NEK1: variants seen among roughly 807,000 people sequenced by gnomAD.
The protein encoded by NEK1 is serine/threonine-protein kinase Nek1.
In NEK1, 137 loss-of-function variants were observed where a neutral mutation model predicts 182.1. The ratio of observed to expected loss-of-function variants is 0.75; its 90% CI spans 0.65 to 0.87. NEK1 has a LOEUF of 0.87. NEK1 is among the 40% of genes least tolerant of loss of function. NEK1 has a pLI of 0.00. For synonymous variants in NEK1, 513 were observed against 492.2 expected (o/e 1.04, Z -0.56); for missense variants, 1,391 against 1,494.4 (o/e 0.93, Z 1.14).
chr4:169,494,940 G>A (rs914692727), intron 23 of NEK1, among the ~76,000 whole-genome samples: 3 of 152,136 alleles, frequency 2.0e-5, no homozygotes, highest in African/African-American at 7.2e-5. Flanking sequence ...CTTTGTGATG[G>A]CGTTGTTCTT....
At chr4:169,580,088 C>A (rs1009963763) in intron 11 of NEK1, among the ~76,000 whole-genome samples, 1 of 152,112 alleles carries the variant, frequency 6.6e-6, no homozygotes, top group African/African-American at 2.4e-5. Context: ...CACAATCTTA[C>A]AATGATTCTA....
intron 19 of NEK1, among the ~76,000 whole-genome samples, chr4:169,510,564 C>T (rs927071736): frequency 2.6e-5 from 4 of 152,104 alleles, no homozygotes; most frequent in South Asian, 2.1e-4. Context: ...CCAACTCATC[C>T]TACCTCTAGT....
chr4:169,568,082 T>C lies in NEK1; in HGVS notation c.1021-5886A>G, dbSNP rs1029639120. ...TAGGGACTTTCTATGATATCATTTA[T>C]CCAGATTCACCAACAGTTCTGATCT... is the stretch of plus-strand genomic sequence containing the variant. On this transcript the variant is annotated intron_variant, in intron 12 of 35. Transcript: ENST00000507142. Among the ~76,000 whole-genome samples, 35 of 152,212 alleles carry C rather than the reference T, an allele frequency of 2.3e-4. 1 individual carries two copies. The highest frequency in any genetic ancestry group is 7.7e-4 in the African/African-American group (32 of 41,462).
rs575022493 is a variant in NEK1, at chr4:169,481,295, G to C, written c.2008-1761C>G. Among the ~76,000 whole-genome samples, 7 of 152,214 alleles carry C rather than the reference G, an allele frequency of 4.6e-5. No individual in the cohort carries two copies. In the South Asian group the frequency reaches 1.4e-3, roughly 32 times the overall value. On this transcript the variant is annotated intron_variant, in intron 23 of 35. Transcript: ENST00000507142. ...AACATTAACATGACATTAACTCCAT[G>C]AATCAAAAAAGTTCTGAATGGCATC... is the stretch of plus-strand genomic sequence containing the variant.
intron 31 of NEK1, among the ~76,000 whole-genome samples, chr4:169,409,970 T>C (rs1227333588): frequency 3.3e-5 from 5 of 152,210 alleles, no homozygotes; most frequent in African/African-American, 7.2e-5. Context: ...TCTTATTTGT[T>C]TGAGTTCCTG....
chr4:169,602,178 T>C (rs1240387188), intron 3 of NEK1, 74 bp from the exon 4 acceptor site: 1 of 1,011,122 alleles, frequency 9.9e-7, no homozygotes, highest in African/African-American at 1.6e-5. Context: ...AATAGGTGAG[T>C]GGTTAAAACA....
intron 2 of NEK1, among the ~76,000 whole-genome samples, chr4:169,609,947 T>C (rs1224834813): frequency 6.6e-6 from 1 of 152,140 alleles, no homozygotes; most frequent in Non-Finnish European, 1.5e-5. Flanking sequence ...ATATGAACTA[T>C]GCTCCAGAAA....
intron 10 of NEK1, among the ~76,000 whole-genome samples, chr4:169,583,399 A>G (rs1580955833): frequency 6.6e-6 from 1 of 152,240 alleles, no homozygotes; most frequent in South Asian, 2.1e-4. Context: ...TAAATCTGAG[A>G]AACAGCAGAT....
chr4:169,585,511 T>C lies in NEK1; in HGVS notation c.645A>G (p.Ile215Met). The stretch of plus-strand genomic sequence containing the variant: ...ACACAGGTGGAAAAGATCCAGATAT[T>C]ATCTTCAGTACCAGGTTTTTCATAC... ...AGSMKNLVLK[I>M]ISGSFPPVSL... The change falls in exon 10 of 36, where the codon ATA becomes ATG. Residue 215 changes from isoleucine (I) to methionine (M), a missense_variant. Ile to Met is a conservative substitution (Grantham distance 10, BLOSUM62 1). Transcript: ENST00000507142. 6.2e-7 allele frequency: 1 copy of C among 1,613,494 alleles called. No homozygotes were observed. Among genetic ancestry groups the C allele is most frequent in the Non-Finnish European group, 8.5e-7 (1 of 1,179,576 alleles).
intron 2 of NEK1, among the ~76,000 whole-genome samples, chr4:169,609,114 G>A (rs1378250579): frequency 6.6e-6 from 1 of 150,896 alleles, no homozygotes; most frequent in Non-Finnish European, 1.5e-5. Flanking sequence ...CAAGGGGTAA[G>A]TTTTATGTTA....
At chr4:169,439,410 C>A (rs1739014644) in intron 27 of NEK1, among the ~76,000 whole-genome samples, 1 of 152,166 alleles carries the variant, frequency 6.6e-6, no homozygotes, top group South Asian at 2.1e-4. Flanking sequence ...TTACTTCTTT[C>A]TAGTCAACAG....
rs566689784 is a variant in NEK1 at position 169,611,939 on chromosome 4, A to G, written c.-49+81T>C. ...CTTAAGGTATCTGTGTAATCTCAAT[A>G]TAAGCAGTTCTACGCACATCTCATT... is the stretch of plus-strand genomic sequence containing the variant. On this transcript the variant is annotated intron_variant, in intron 2 of 35. Transcript: ENST00000507142. The G allele has an allele frequency of 2.0e-5, 3 of 152,330 alleles. No individual in the cohort carries two copies. In the East Asian group the frequency reaches 5.8e-4, roughly 29 times the overall value. 9.4% of individuals were successfully genotyped at this position (152,330 alleles called of 1,614,324 possible). A position where few individuals can be genotyped will look rare whatever the true frequency, so the allele number is the denominator to read the frequency against.
At chr4:169,561,346 T>C (rs1580774143) in intron 16 of NEK1, 134 bp downstream of exon 16, 2 of 732,032 alleles carry the variant, frequency 2.7e-6, no homozygotes, top group East Asian at 2.7e-5. Flanking sequence ...TCATAATAAA[T>C]GTTAAAGAAT....
In NEK1 at chr4:169,401,739, C is replaced by T; in HGVS notation, c.3496G>A (p.Val1166Met). The change falls in exon 33 of 36, where the codon GTG (valine) becomes ATG (methionine). Residue 1166 changes from valine (V) to methionine (M), a missense_variant. Val to Met is a conservative substitution (Grantham distance 21, BLOSUM62 1). Transcript: ENST00000507142. The stretch of plus-strand genomic sequence containing the variant: ...TCTGTCCCATTTGCAGTTGGCTCCA[C>T]ATCACTGTTCTTCAAGACTGACTCT... ...EEESVLKNSD[V>M]EPTANGTDVA... is the part of the protein sequence containing the mutation. 1 of 1,613,960 alleles carries T rather than the reference C, an allele frequency of 6.2e-7. No individual in the cohort carries two copies. Among genetic ancestry groups the T allele is most frequent in the Non-Finnish European group, 8.5e-7 (1 of 1,179,834 alleles).
At position 169,394,354 on chromosome 4, in the gene NEK1, G is replaced by T. The variant is rs886059224; in HGVS notation, c.*156C>A. On this transcript the variant is annotated 3_prime_UTR_variant, in exon 36 of 36. Transcript: ENST00000507142. The stretch of plus-strand genomic sequence containing the variant: ...AATATTAGAATCTTCACTGAAAAAT[G>T]GCATGTTTCTCCATCTTTTTCATGC... The T allele has an allele frequency of 1.1e-5, 6 of 523,130 alleles. No individual in the cohort carries two copies. Among genetic ancestry groups the T allele is most frequent in the South Asian group, 5.5e-5 (2 of 36,612 alleles). The allele number at this position is 523,130 out of a possible 1,614,324, so 32.4% of individuals were successfully genotyped here.
chr4:169,541,272 G>A (rs1333239732), intron 18 of NEK1, among the ~76,000 whole-genome samples: 5 of 152,092 alleles, frequency 3.3e-5, no homozygotes, highest in Non-Finnish European at 5.9e-5. Context: ...AAGCAATACA[G>A]ACAGAAGGAC....
At chr4:169,553,982 C>T (rs1761789147) in intron 18 of NEK1, 2 of 152,312 alleles carry the variant, frequency 1.3e-5, no homozygotes, top group South Asian at 4.1e-4. Flanking sequence ...AGCAATCATC[C>T]TCTTGGCATC....
intron 26 of NEK1, among the ~76,000 whole-genome samples, chr4:169,472,246 A>G (rs1268559164): frequency 6.6e-6 from 1 of 152,110 alleles, no homozygotes; most frequent in African/African-American, 2.4e-5. Context: ...TATGCTTGAT[A>G]CCCAGGGCCC....
intron 13 of NEK1, 42 bp from the exon 14 acceptor site, chr4:169,561,933 G>GT (rs1580779894): frequency 6.6e-7 from 1 of 1,515,654 alleles, no homozygotes. Context: ...AATAATTCCT[G>GT]TTTTTTCTAG....
Sources: allele counts gnomAD v4.1 joint callset (sites outside exome capture counted in the v4.1 genomes callset), GRCh38; gene constraint gnomAD v4.1.1; transcripts MANE v1.5; gene names NCBI Gene and HGNC (gene_info 2026-07-23, HGNC 2026-07-21).